Variants in TIMM23B observed in about 807,000 individuals in gnomAD.
The protein encoded by TIMM23B is translocase of inner mitochondrial membrane 23 homolog B.
In TIMM23B, 27 loss-of-function variants were observed where a neutral mutation model predicts 27.3. The ratio of observed to expected loss-of-function variants is 0.99; its 90% confidence interval spans 0.73 to 1.36. The LOEUF (loss-of-function observed/expected upper bound fraction) is 1.36, where lower values mean the gene tolerates loss of function less well. TIMM23B is among the 40% of genes most tolerant of loss of function. TIMM23B has a pLI of 0.00. For synonymous variants in TIMM23B, 73 were observed against 92.4 expected (o/e 0.79, Z 1.21); for missense variants, 205 against 244.2 (o/e 0.84, Z 1.07).
intron 4 of TIMM23B, among the ~76,000 whole-genome samples, chr10:49,952,817 T>G (rs1360210282): frequency 6.7e-6 from 1 of 149,366 alleles, no homozygotes; most frequent in African/African-American, 2.5e-5. Flanking sequence ...CCTATGTGAC[T>G]TGCTTTTCAA....
At chr10:49,950,219 T>TC (rs71229521) in intron 2 of TIMM23B, among the ~76,000 whole-genome samples, 1 of 149,318 alleles carries the variant, frequency 6.7e-6, no homozygotes, top group African/African-American at 2.4e-5. Context: ...TTTTTTTTTT[T>TC]CCCCCAGCAA....
intron 2 of TIMM23B, among the ~76,000 whole-genome samples, chr10:49,949,984 C>G (rs1839473208): frequency 6.6e-6 from 1 of 152,100 alleles, no homozygotes; most frequent in African/African-American, 2.4e-5. Context: ...TGTGCCTAGC[C>G]AACTTTTATC....
intron 6 of TIMM23B, among the ~76,000 whole-genome samples, chr10:49,969,152 C>T (rs1840301621): frequency 6.6e-6 from 1 of 152,132 alleles, no homozygotes; most frequent in Non-Finnish European, 1.5e-5. Context: ...TTCATAACAG[C>T]ATATTATTCA....
At chr10:49,959,006 T>A (rs1839813069) in intron 6 of TIMM23B, among the ~76,000 whole-genome samples, 1 of 152,226 alleles carries the variant, frequency 6.6e-6, no homozygotes, top group African/African-American at 2.4e-5. Flanking sequence ...TGCATTCTTT[T>A]ATCAAGGAAT....
intron 6 of TIMM23B, among the ~76,000 whole-genome samples, chr10:49,969,781 C>CTCTCCCTCTCCCCACGG (rs1473509007): frequency 2.0e-5 from 3 of 151,598 alleles, no homozygotes; most frequent in African/African-American, 7.3e-5. Flanking sequence ...CACGGTCTCC[C>CTCTCCCTCTCCCCACGG]TCTCCCTCTC....
At chr10:49,963,203 C>T (rs1839983895) in intron 6 of TIMM23B, among the ~76,000 whole-genome samples, 2 of 152,258 alleles carry the variant, frequency 1.3e-5, no homozygotes, top group African/African-American at 2.4e-5. Flanking sequence ...AATGAAATGA[C>T]GTGACATGAC....
intron 6 of TIMM23B, among the ~76,000 whole-genome samples, chr10:49,964,320 A>G (rs528101563): frequency 4.6e-5 from 7 of 151,742 alleles, no homozygotes; most frequent in African/African-American, 1.7e-4. Context: ...AAATGAAATG[A>G]AATAAATGAA....
chr10:49,961,110 C>T (rs1360748559), intron 6 of TIMM23B, among the ~76,000 whole-genome samples: 4 of 151,922 alleles, frequency 2.6e-5, no homozygotes, highest in Admixed American at 6.6e-5. Context: ...CAGCTGGGCA[C>T]GGTGGCTCAC....
In TIMM23B at chr10:49,956,453, GTGTGTGTGTGTGTGTGTA is replaced by G. The variant is rs1241233730; in HGVS notation, c.403+1401_403+1418del. Among the ~76,000 whole-genome samples the G allele has an allele frequency of 1.7e-4, 23 of 134,076 alleles. 1 individual carries two copies. Among genetic ancestry groups the G allele is most frequent in the Admixed American group, 5.2e-4 (7 of 13,400 alleles). The allele number at this position is 134,076 out of a possible 152,430, so 88.0% of individuals were successfully genotyped here. On this transcript the variant is annotated intron_variant, in intron 5 of 6. Transcript: ENST00000651259. ...TGTGTGTGTGTGTGTGTGTGTGTGT[GTGTGTGTGTGTGTGTGTA>G]TGTGTGTCTTCAATCCGAAGTACAG...
intron 2 of TIMM23B, among the ~76,000 whole-genome samples, chr10:49,947,904 G>A (rs1453223174): frequency 1.3e-5 from 2 of 152,056 alleles, no homozygotes; most frequent in African/African-American, 2.4e-5. Flanking sequence ...CTCCAGCCTG[G>A]GTGACAGAGA....
At position 49,961,670 on chromosome 10, in the gene TIMM23B, G is replaced by A. The variant is rs1278132896; in HGVS notation, c.514+3190G>A. ...GCTAAAGTGCAGTGGTGCCATCATG[G>A]CTCACTACAGCCTTGAACTCCTGGG... On this transcript the variant is annotated intron_variant, in intron 6 of 6. Transcript: ENST00000651259. Among the ~76,000 whole-genome samples, 152 of 151,964 alleles carry A rather than the reference G, an allele frequency of 1.0e-3. 4 individuals are homozygous for A. The South Asian group carries it at 0.029, about 29-fold the overall frequency.
intron 1 of TIMM23B, among the ~76,000 whole-genome samples, chr10:49,944,584 G>A (rs1243325843): frequency 1.1e-4 from 17 of 151,940 alleles, no homozygotes; most frequent in Non-Finnish European, 2.1e-4. Context: ...TGAAGGAACT[G>A]CCTTGAAATA....
At chr10:49,957,607 G>A (rs1312334843) in intron 5 of TIMM23B, among the ~76,000 whole-genome samples, 15 of 152,090 alleles carry the variant, frequency 9.9e-5, no homozygotes, top group African/African-American at 3.6e-4. Flanking sequence ...AATACATAAG[G>A]TGAGGCCTGG....
intron 6 of TIMM23B, among the ~76,000 whole-genome samples, chr10:49,958,994 T>C (rs1349833532): frequency 7.9e-5 from 12 of 152,242 alleles, no homozygotes; most frequent in African/African-American, 2.7e-4. Context: ...ACATTTTGCA[T>C]GTGCATTCTT....
chr10:49,948,511 A>G (rs1298514176), intron 2 of TIMM23B, among the ~76,000 whole-genome samples: 1 of 152,252 alleles, frequency 6.6e-6, no homozygotes, highest in Non-Finnish European at 1.5e-5. Flanking sequence ...TGGCATATCC[A>G]TACAAATGGA....
chr10:49,949,958 T>A (rs1839472367), intron 2 of TIMM23B, among the ~76,000 whole-genome samples: 2 of 152,088 alleles, frequency 1.3e-5, no homozygotes, highest in Non-Finnish European at 2.9e-5. Flanking sequence ...GTGCTGGGAT[T>A]ACAAGCATGA....
In TIMM23B at chr10:49,942,080, C is replaced by G; in HGVS notation, c.-115C>G. ...CGGGAACCGGCGCCCGGAATGTCAG[C>G]GTGTGAAGTAGGCGCTGGCAACGCG... On this transcript the variant is annotated 5_prime_UTR_variant, in exon 1 of 7. Transcript: ENST00000651259. 7.6e-7 allele frequency: 1 copy of G among 1,313,944 alleles called. No individual in the cohort carries two copies. Among genetic ancestry groups the G allele is most frequent in the Non-Finnish European group, 1.0e-6 (1 of 968,668 alleles). 81.4% of individuals were successfully genotyped at this position (1,313,944 alleles called of 1,614,324 possible).
In TIMM23B at chr10:49,950,362, A is replaced by C. The variant is rs1371255882; in HGVS notation, c.166-1764A>C. 2.3e-4 allele frequency among the ~76,000 whole-genome samples: 34 copies of C among 150,722 alleles called. No individual in the cohort carries two copies. The East Asian group carries it at 6.0e-3, about 27-fold the overall frequency. On this transcript the variant is annotated intron_variant, in intron 2 of 6. Transcript: ENST00000651259. Reference sequence around the variant, plus strand: ...GAGCTTTTTAGTAAATCTTCTATACATTCAGTATATTAACATACTTTGATA... The same window carrying C: ...GAGCTTTTTAGTAAATCTTCTATACCTTCAGTATATTAACATACTTTGATA...
intron 4 of TIMM23B, among the ~76,000 whole-genome samples, 170 bp from the exon 5 acceptor site, chr10:49,954,832 T>C (rs1589035276): frequency 1.3e-5 from 2 of 151,328 alleles, no homozygotes; most frequent in African/African-American, 4.8e-5. Flanking sequence ...TTTTCACTTA[T>C]GTAGAGTAAA....
Sources: allele counts gnomAD v4.1 joint callset (sites outside exome capture counted in the v4.1 genomes callset), GRCh38; gene constraint gnomAD v4.1.1; transcripts MANE v1.5; gene names NCBI Gene and HGNC (gene_info 2026-07-23, HGNC 2026-07-21).